PALM2AKAP2: variants seen among roughly 807,000 people sequenced by gnomAD.
PALM2AKAP2 encodes PALM2-AKAP2 fusion protein.
PALM2AKAP2 carries 37 observed loss-of-function variants against 71.5 expected under a neutral mutation model. That is an observed-to-expected ratio of 0.52 (90% CI 0.40 to 0.68). The LOEUF (loss-of-function observed/expected upper bound fraction) is 0.68. Ranked by LOEUF, PALM2AKAP2 falls within the 30% of genes least tolerant of loss-of-function variation. The pLI is 0.00. For synonymous variants in PALM2AKAP2, 468 were observed against 478.8 expected (o/e 0.98, Z 0.29); for missense variants, 1,224 against 1,191.8 (o/e 1.03, Z -0.40).
At chr9:109,821,271 T>G (rs913377755) in intron 1 of PALM2AKAP2, among the ~76,000 whole-genome samples, 1 of 152,172 alleles carries the variant, frequency 6.6e-6, no homozygotes, top group African/African-American at 2.4e-5. Context: ...ACATGGCGCA[T>G]GTATACATAT....
intron 6 of PALM2AKAP2, among the ~76,000 whole-genome samples, chr9:109,984,100 A>C (rs1031003871): frequency 6.6e-6 from 1 of 152,276 alleles, no homozygotes; most frequent in South Asian, 2.1e-4. Context: ...TTCAGTCTTG[A>C]CCACTTTTTG....
chr9:109,891,442 CTT>C (rs941928508), intron 3 of PALM2AKAP2, among the ~76,000 whole-genome samples: 14 of 152,068 alleles, frequency 9.2e-5, no homozygotes, highest in Non-Finnish European at 1.5e-4. Flanking sequence ...GAGATGAAGA[CTT>C]TTACAGGTCG....
chr9:110,014,468 G>T (rs748479826), intron 6 of PALM2AKAP2, among the ~76,000 whole-genome samples: 6 of 151,786 alleles, frequency 4.0e-5, no homozygotes, highest in Non-Finnish European at 7.4e-5. Flanking sequence ...TAAACCTACG[G>T]TTTTTAAAAA....
intron 3 of PALM2AKAP2, among the ~76,000 whole-genome samples, chr9:109,907,987 G>A (rs956969413): frequency 6.6e-6 from 1 of 152,172 alleles, no homozygotes; most frequent in Non-Finnish European, 1.5e-5. Context: ...AAAGGTCAGA[G>A]GTGCTGTTTA....
intron 1 of PALM2AKAP2, among the ~76,000 whole-genome samples, chr9:109,668,415 A>G (rs976534637): frequency 6.6e-6 from 1 of 152,244 alleles, no homozygotes; most frequent in African/African-American, 2.4e-5. Context: ...GAAAGGAACA[A>G]AACACATTCT....
intron 1 of PALM2AKAP2, among the ~76,000 whole-genome samples, chr9:109,784,733 C>T (rs910869574): frequency 2.6e-5 from 4 of 152,232 alleles, no homozygotes; most frequent in African/African-American, 9.6e-5. Context: ...CGCAGCAGGC[C>T]ATTGGAGCCT....
At chr9:109,998,006 C>A (rs1045073895) in intron 6 of PALM2AKAP2, among the ~76,000 whole-genome samples, 9 of 152,194 alleles carry the variant, frequency 5.9e-5, no homozygotes, top group Admixed American at 6.5e-5. Flanking sequence ...TTTTAAAAAT[C>A]CACAGGGTTA....
chr9:110,025,124 CTTGT>C, intron 7 of PALM2AKAP2: 1 of 1,244,814 alleles, frequency 8.0e-7, no homozygotes, highest in Non-Finnish European at 1.2e-6. Context: ...TTGCCCTTAA[CTTGT>C]TTGTTTACAA....
chr9:110,163,422 T>C (rs1836653469), intron 3 of PALM2AKAP2, among the ~76,000 whole-genome samples: 1 of 152,236 alleles, frequency 6.6e-6, no homozygotes, highest in Admixed American at 6.5e-5. Flanking sequence ...TGATATTTAA[T>C]ATTTTTAAAA....
At chr9:109,740,722 T>G (rs1257858331) in intron 1 of PALM2AKAP2, among the ~76,000 whole-genome samples, 1 of 152,138 alleles carries the variant, frequency 6.6e-6, no homozygotes, top group South Asian at 2.1e-4. Flanking sequence ...GGTGCGATCT[T>G]GGCTCACTGC....
intron 3 of PALM2AKAP2, among the ~76,000 whole-genome samples, chr9:109,919,579 ATG>A (rs1830776419): frequency 6.6e-6 from 1 of 151,982 alleles, no homozygotes; most frequent in Non-Finnish European, 1.5e-5. Context: ...AGGGTGCCTT[ATG>A]TTCTTTCTAA....
At chr9:109,831,315 AC>A (rs898291022) in intron 1 of PALM2AKAP2, among the ~76,000 whole-genome samples, 2 of 152,050 alleles carry the variant, frequency 1.3e-5, no homozygotes, top group Non-Finnish European at 2.9e-5. Context: ...AGTACTCCCC[AC>A]CAGGGTCCGG....
intron 6 of PALM2AKAP2, among the ~76,000 whole-genome samples, chr9:110,013,126 C>A (rs190820554): frequency 6.6e-6 from 1 of 152,244 alleles, no homozygotes; most frequent in East Asian, 1.9e-4. Flanking sequence ...CAGATCTGCT[C>A]CCCAGGACTC....
chr9:110,096,891 G>A lies in PALM2AKAP2; in HGVS notation c.157-39236G>A, dbSNP rs565335965. On this transcript the variant is annotated intron_variant, in intron 1 of 3. Coordinates refer to ENST00000374525, the Ensembl canonical transcript of PALM2AKAP2. ...ATGAATGATGTAATAAATGAGTCAC[G>A]ATGTCAGCCTCTTTTAACAGAATCA... 3.2e-3 allele frequency among the ~76,000 whole-genome samples: 482 copies of A among 151,932 alleles called. 2 individuals carry two copies. The highest frequency in any genetic ancestry group is 5.0e-3 in the Non-Finnish European group (342 of 67,956).
intron 1 of PALM2AKAP2, among the ~76,000 whole-genome samples, chr9:109,677,684 A>G (rs1276108061): frequency 6.7e-6 from 1 of 150,112 alleles, no homozygotes; most frequent in African/African-American, 2.4e-5. Flanking sequence ...AAAAAAAAAA[A>G]GAATTTTTGC....
rs543911352 is a variant in PALM2AKAP2 at position 109,866,301 on chromosome 9, G to T, written c.46-1190G>T. 3.9e-5 allele frequency among the ~76,000 whole-genome samples: 6 copies of T among 152,302 alleles called. No homozygotes were observed. The South Asian group carries it at 1.2e-3, about 32-fold the overall frequency. On this transcript the variant is annotated intron_variant, in intron 1 of 9. Transcript: ENST00000302798. ...TTGTTGTTGTCCCTAGGATTTGGCT[G>T]TTGTATTGTCAAATGCCATTATGTC...
At chr9:109,720,891 A>G (rs1356639177) in intron 1 of PALM2AKAP2, among the ~76,000 whole-genome samples, 1 of 152,186 alleles carries the variant, frequency 6.6e-6, no homozygotes, top group Non-Finnish European at 1.5e-5. Context: ...CTAGGGATAG[A>G]GCAGTAAGCC....
chr9:109,780,453 T>C (rs76329062), upstream of PALM2AKAP2: 1,257 of 1,612,692 alleles, frequency 7.8e-4, 9 homozygotes, highest in African/African-American at 0.015. Context: ...GTGTTTTTTC[T>C]TTCCTCTTTC....
At chr9:109,833,489 A>G (rs1040522603) in intron 1 of PALM2AKAP2, among the ~76,000 whole-genome samples, 7 of 152,198 alleles carry the variant, frequency 4.6e-5, no homozygotes, top group African/African-American at 1.7e-4. Flanking sequence ...TCCAGCTAAG[A>G]ATACCCTTCA....
Sources: gnomAD v4.1 joint callset for allele counts (sites outside exome capture counted in the v4.1 genomes callset) on GRCh38, gnomAD v4.1.1 for gene constraint, MANE v1.5 for transcripts, NCBI Gene and HGNC (gene_info 2026-07-23, HGNC 2026-07-21) for gene names.